Variants in MOB3B observed in about 807,000 individuals in gnomAD.
MOB3B encodes the protein MOB kinase activator-like 2B.
MOB3B carries 7 observed loss-of-function variants against 18.7 expected under a neutral mutation model. The ratio of observed to expected loss-of-function variants is 0.37; its 90% CI spans 0.21 to 0.70. MOB3B has a LOEUF of 0.70. Among genes scored for constraint, MOB3B ranks in the 30% least tolerant of loss-of-function variants. The pLI is 0.52. For missense variants in MOB3B, 253 were observed against 281.3 expected (o/e 0.90, Z 0.72); for synonymous variants, 111 against 99.9 (o/e 1.11, Z -0.66).
At chr9:27,389,064 C>A (rs1009979194) in intron 2 of MOB3B, among the ~76,000 whole-genome samples, 2 of 152,178 alleles carry the variant, frequency 1.3e-5, no homozygotes, top group Non-Finnish European at 2.9e-5. Context: ...CTCTTGACCT[C>A]CTTTGATGGT....
chr9:27,456,241 G>A (rs185371717), intron 1 of MOB3B, among the ~76,000 whole-genome samples: 2 of 152,224 alleles, frequency 1.3e-5, no homozygotes, highest in Non-Finnish European at 2.9e-5. Flanking sequence ...CTCAGCCTTG[G>A]TTGGGCATTA....
chr9:27,461,337 CCT>C (rs1819284338), intron 1 of MOB3B, among the ~76,000 whole-genome samples: 1 of 152,184 alleles, frequency 6.6e-6, no homozygotes, highest in African/African-American at 2.4e-5. Context: ...GCACTGTTTA[CCT>C]TATGCCTACT....
intron 1 of MOB3B, among the ~76,000 whole-genome samples, chr9:27,495,339 T>C (rs551359769): frequency 1.4e-3 from 215 of 151,872 alleles, no homozygotes; most frequent in Non-Finnish European, 1.8e-3. Flanking sequence ...CCAAAATAAA[T>C]AAATAAATAG....
At chr9:27,492,488 C>T (rs1204633656) in intron 1 of MOB3B, among the ~76,000 whole-genome samples, 1 of 152,158 alleles carries the variant, frequency 6.6e-6, no homozygotes, top group Non-Finnish European at 1.5e-5. Flanking sequence ...CGAAATGCTG[C>T]CCAAGTGACT....
intron 2 of MOB3B, among the ~76,000 whole-genome samples, chr9:27,448,630 G>A (rs1022339011): frequency 2.0e-5 from 3 of 152,208 alleles, no homozygotes; most frequent in African/African-American, 7.2e-5. Flanking sequence ...AATTATGGGA[G>A]CTACAATTCA....
intron 3 of MOB3B, among the ~76,000 whole-genome samples, chr9:27,333,274 T>C (rs1333093178): frequency 6.6e-6 from 1 of 152,108 alleles, no homozygotes; most frequent in Non-Finnish European, 1.5e-5. Context: ...GACATTTGAG[T>C]TGGATCCATC....
At chr9:27,346,394 CTG>C (rs1305737577) in intron 3 of MOB3B, among the ~76,000 whole-genome samples, 2 of 152,198 alleles carry the variant, frequency 1.3e-5, no homozygotes, top group Non-Finnish European at 1.5e-5. Context: ...CTCCACAGAG[CTG>C]TGTGACATTG....
chr9:27,389,763 T>A (rs1821698572), intron 2 of MOB3B, among the ~76,000 whole-genome samples: 2 of 152,202 alleles, frequency 1.3e-5, no homozygotes, highest in Non-Finnish European at 2.9e-5. Flanking sequence ...AAGGCCTGAA[T>A]GAATTAGCAC....
At position 27,325,278 on chromosome 9, in the gene MOB3B, T is replaced by G. The variant is rs905573423; in HGVS notation, c.*5309A>C. On this transcript the variant is annotated 3_prime_UTR_variant, in exon 4 of 4. Transcript: ENST00000262244. Reference sequence around the variant, plus strand: ...TCACATATAACTGATTTCCTAAATATCATTTAATTTTATGTTGCTTTTCTA... The same window carrying G: ...TCACATATAACTGATTTCCTAAATAGCATTTAATTTTATGTTGCTTTTCTA... 2 of 152,238 alleles carry G rather than the reference T, an allele frequency of 1.3e-5. No individual in the cohort carries two copies. The highest frequency in any genetic ancestry group is 2.9e-5 in the Non-Finnish European group (2 of 68,050). 9.4% of individuals were successfully genotyped at this position (152,238 alleles called of 1,614,324 possible).
At chr9:27,510,608 C>T (rs1002620123) in intron 1 of MOB3B, among the ~76,000 whole-genome samples, 6 of 152,164 alleles carry the variant, frequency 3.9e-5, no homozygotes, top group Admixed American at 6.5e-5. Flanking sequence ...TGCTGCAAGT[C>T]TAAATATATA....
At position 27,339,845 on chromosome 9, in the gene MOB3B, G is replaced by A. The variant is rs185442781; in HGVS notation, c.622-9229C>T. ...GCATGGGCCACGGGAGTAGGGACTCGGCTGGCAGGACCGTTCCCAGGAGGC... is the reference window on the plus strand; with the variant it reads ...GCATGGGCCACGGGAGTAGGGACTCAGCTGGCAGGACCGTTCCCAGGAGGC... On this transcript the variant is annotated intron_variant, in intron 3 of 3. Transcript: ENST00000262244. 1.6e-3 allele frequency among the ~76,000 whole-genome samples: 240 copies of A among 152,336 alleles called. 1 individual carries two copies. The highest frequency in any genetic ancestry group is 5.6e-3 in the African/African-American group (234 of 41,590).
intron 3 of MOB3B, among the ~76,000 whole-genome samples, chr9:27,355,552 T>TC (rs749974676): frequency 7.1e-6 from 1 of 140,268 alleles, no homozygotes; most frequent in Non-Finnish European, 1.5e-5. Context: ...ATAGTTTTTT[T>TC]CTTTTTCTTC....
Position 27,326,121 on chromosome 9 carries a change from A to G in MOB3B, c.*4466T>C, listed in dbSNP as rs1173259616. 1.5e-5 allele frequency: 3 copies of G among 205,180 alleles called. No individual in the cohort carries two copies. Among genetic ancestry groups the G allele is most frequent in the African/African-American group, 6.8e-5 (3 of 43,868 alleles). 12.7% of individuals were successfully genotyped at this position (205,180 alleles called of 1,614,324 possible). ...GAAAACCTATAAATGTAGAAAAAGC[A>G]GGTCTGGACTTAGCAAAGAAACAAT... On this transcript the variant is annotated 3_prime_UTR_variant, in exon 4 of 4. Coordinates refer to ENST00000262244, the MANE Select transcript of MOB3B (RefSeq NM_024761.5).
chr9:27,483,125 CTTTTT>C (rs71492747), intron 1 of MOB3B, among the ~76,000 whole-genome samples: 2 of 68,588 alleles, frequency 2.9e-5, no homozygotes, highest in South Asian at 5.7e-4. Context: ...ATATACGGTA[CTTTTT>C]TTTTTTTTTT....
At chr9:27,523,708 A>G (rs1197007717) in intron 1 of MOB3B, among the ~76,000 whole-genome samples, 5 of 152,208 alleles carry the variant, frequency 3.3e-5, no homozygotes, top group African/African-American at 1.2e-4. Context: ...TGCCAGCTCT[A>G]TTCTTCATCT....
intron 3 of MOB3B, among the ~76,000 whole-genome samples, chr9:27,345,942 A>G (rs1435057946): frequency 6.6e-6 from 1 of 152,200 alleles, no homozygotes; most frequent in Non-Finnish European, 1.5e-5. Flanking sequence ...ATCCACCTCA[A>G]ATTAGTTTCC....
At chr9:27,426,787 A>G (rs1822340832) in intron 2 of MOB3B, among the ~76,000 whole-genome samples, 1 of 152,034 alleles carries the variant, frequency 6.6e-6, no homozygotes, top group Non-Finnish European at 1.5e-5. Flanking sequence ...GCAGCCTCCT[A>G]CTGCCTAGAC....
At chr9:27,346,865 A>G (rs1821037136) in intron 3 of MOB3B, among the ~76,000 whole-genome samples, 1 of 152,108 alleles carries the variant, frequency 6.6e-6, no homozygotes. Flanking sequence ...TTGTGGTGGC[A>G]CGCACCTGTA....
At chr9:27,481,196 C>T (rs1285193471) in intron 1 of MOB3B, among the ~76,000 whole-genome samples, 2 of 152,062 alleles carry the variant, frequency 1.3e-5, no homozygotes, top group South Asian at 2.1e-4. Context: ...ACAAAAAAGG[C>T]GAGAAGAAAC....
Sources: allele counts gnomAD v4.1 joint callset (sites outside exome capture counted in the v4.1 genomes callset), GRCh38; gene constraint gnomAD v4.1.1; transcripts MANE v1.5; gene names NCBI Gene and HGNC (gene_info 2026-07-23, HGNC 2026-07-21).